The following INPP5F variants were observed in gnomAD, a reference collection of about 807,000 sequenced individuals.
INPP5F encodes phosphatidylinositide 4-phosphatase SAC2.
In INPP5F, 97 loss-of-function variants were observed where a neutral mutation model predicts 137.2. The observed-to-expected ratio is 0.71, with a 90% CI of 0.60 to 0.84. The LOEUF (loss-of-function observed/expected upper bound fraction) is 0.84, where lower values mean the gene tolerates loss of function less well. INPP5F is among the 40% of genes least tolerant of loss of function. The probability of loss-of-function intolerance (pLI) is 0.00; values close to 1 mark genes in which losing one functional copy is unlikely to be tolerated. For synonymous variants in INPP5F, 504 were observed against 476.9 expected (o/e 1.06, Z -0.74); for missense variants, 1,271 against 1,371.9 (o/e 0.93, Z 1.16).
intron 2 of INPP5F, among the ~76,000 whole-genome samples, chr10:119,774,028 G>A (rs1849441364): frequency 6.6e-6 from 1 of 152,108 alleles, no homozygotes; most frequent in Admixed American, 6.6e-5. Context: ...ACTTTGGGAG[G>A]CCAAGGTGGG....
chr10:119,757,382 T>A (rs574386587), intron 2 of INPP5F, among the ~76,000 whole-genome samples: 1,700 of 151,638 alleles, frequency 0.011, 20 homozygotes, highest in Non-Finnish European at 0.016. Context: ...TTTATTAATA[T>A]GAGGAACAGA....
chr10:119,785,565 A>AGAGAGAGAGAGAGAGG (rs1849872236), intron 3 of INPP5F, among the ~76,000 whole-genome samples: 2 of 151,296 alleles, frequency 1.3e-5, no homozygotes, highest in South Asian at 2.1e-4. Context: ...AGAGAGAGAG[A>AGAGAGAGAGAGAGAGG]GAGAGAGAGA....
At chr10:119,742,097 A>G (rs1044202575) in intron 1 of INPP5F, among the ~76,000 whole-genome samples, 2 of 152,150 alleles carry the variant, frequency 1.3e-5, no homozygotes, top group African/African-American at 4.8e-5. Context: ...TGCTGGGTTT[A>G]CAGGCATAGA....
intron 12 of INPP5F, among the ~76,000 whole-genome samples, chr10:119,807,133 C>T (rs891565520): frequency 6.6e-6 from 1 of 152,064 alleles, no homozygotes; most frequent in Admixed American, 6.6e-5. Flanking sequence ...ACTAGCTGGG[C>T]GTGGTGGCCG....
Position 119,748,226 on chromosome 10 carries a change from G to T in INPP5F, c.98-2850G>T, listed in dbSNP as rs1202876886. ...AGGCACTGGCTTTGTGCAAGGCTGT[G>T]GCTGGACCAGGTGTACCACAAGCAG... On this transcript the variant is annotated intron_variant, in intron 1 of 19. Transcript: ENST00000650623. This position sits in a 1 kb window ranked among gnomAD's most constrained non-coding sequence, Gnocchi z 4.7. 6.6e-6 allele frequency among the ~76,000 whole-genome samples: 1 copy of T among 152,202 alleles called. No homozygotes were observed. Among genetic ancestry groups the T allele is most frequent in the Non-Finnish European group, 1.5e-5 (1 of 68,028 alleles).
intron 12 of INPP5F, among the ~76,000 whole-genome samples, chr10:119,807,615 G>A (rs1050238938): frequency 2.0e-5 from 3 of 152,166 alleles, no homozygotes; most frequent in African/African-American, 7.2e-5. Flanking sequence ...TATTAGTATT[G>A]TTTCTGTGTG....
rs192353046 is a variant in INPP5F at position 119,806,327 on chromosome 10, A to G, written c.1320-33A>G. ...TCTTTTGAAAACCCTATTATTTTAT[A>G]TTGTAAAATAATTCTGTATTATTTT... is the stretch of plus-strand genomic sequence containing the variant. On this transcript the variant is annotated intron_variant, in intron 11 of 19. Transcript: ENST00000650623. The G allele has an allele frequency of 4.2e-4, 590 of 1,416,778 alleles. 6 individuals carry two copies. In the East Asian group the frequency reaches 0.014, roughly 35 times the overall value. The allele number at this position is 1,416,778 out of a possible 1,614,324, so 87.8% of individuals were successfully genotyped here. A position where few individuals can be genotyped will look rare whatever the true frequency, so the allele number is the denominator to read the frequency against.
rs1063224 is a variant in INPP5F at position 119,828,526 on chromosome 10, A to C, written c.*746A>C. 0.54 allele frequency: 81,735 copies of C among 151,930 alleles called. 22,411 individuals carry two copies. The highest frequency in any genetic ancestry group is 0.63 in the East Asian group (3,225 of 5,154). 9.4% of individuals were successfully genotyped at this position (151,930 alleles called of 1,614,324 possible). A position where few individuals can be genotyped will look rare whatever the true frequency, so the allele number is the denominator to read the frequency against. On this transcript the variant is annotated 3_prime_UTR_variant, in exon 20 of 20. Transcript: ENST00000650623. ...CCATATTGGCTACTGGAAATTCTAG[A>C]AGTCAGTCAGGTTTTAATTTATTCC...
intron 16 of INPP5F, among the ~76,000 whole-genome samples, chr10:119,821,249 CT>C (rs964384608): frequency 8.5e-5 from 13 of 152,196 alleles, no homozygotes; most frequent in African/African-American, 3.1e-4. Context: ...GTTTGCATTA[CT>C]ATAGTGAAGT....
chr10:119,822,699 G>A lies in INPP5F; in HGVS notation c.2032+195G>A, dbSNP rs375350696. 3.0e-4 allele frequency among the ~76,000 whole-genome samples: 46 copies of A among 152,254 alleles called. No individual in the cohort carries two copies. The South Asian group carries it at 9.3e-3, about 31-fold the overall frequency. On this transcript the variant is annotated intron_variant, in intron 17 of 19. Coordinates refer to ENST00000650623, the MANE Select transcript of INPP5F (RefSeq NM_014937.4). ...TATGAAATCCTAAGGCAGAAATGTC[G>A]GCTCTTCTTACAGTGGAATTTGGAG...
intron 15 of INPP5F, among the ~76,000 whole-genome samples, chr10:119,817,532 C>T (rs1013720016): frequency 2.6e-5 from 4 of 152,174 alleles, no homozygotes; most frequent in African/African-American, 7.2e-5. Context: ...ATGCAGTCAT[C>T]CTACTTAGTG....
At position 119,827,789 on chromosome 10, in the gene INPP5F, C is replaced by G. The variant is rs768004172; in HGVS notation, c.*9C>G. ...GGATAATTCAGATTTAGCTTTTAGC[C>G]ATAAGAATCCTTCCATGGCTTTTAT... On this transcript the variant is annotated 3_prime_UTR_variant, in exon 20 of 20. Transcript: ENST00000650623. The G allele has an allele frequency of 9.0e-6, 14 of 1,561,208 alleles. No homozygotes were observed. The highest frequency in any genetic ancestry group is 1.1e-5 in the Non-Finnish European group (13 of 1,147,240).
At chr10:119,743,149 C>T (rs1329214303) in intron 1 of INPP5F, among the ~76,000 whole-genome samples, 1 of 152,228 alleles carries the variant, frequency 6.6e-6, no homozygotes, top group African/African-American at 2.4e-5. Flanking sequence ...ACTTTTGCCA[C>T]CTTAAGTAGT....
intron 3 of INPP5F, among the ~76,000 whole-genome samples, chr10:119,785,286 G>GTTTTTTTTGTTTTTTTTTT (rs1849846687): frequency 4.7e-5 from 5 of 106,228 alleles, no homozygotes; most frequent in African/African-American, 1.5e-4. Flanking sequence ...CTGCCAGACT[G>GTTTTTTTTGTTTTTTTTTT]TTTTTTTTTT....
In INPP5F at chr10:119,820,888, G is replaced by C. The variant is rs750668043; in HGVS notation, c.1929G>C (p.Leu643=). 1.4e-5 allele frequency: 22 copies of C among 1,611,614 alleles called. 1 individual carries two copies. The Admixed American group carries it at 3.7e-4, about 27-fold the overall frequency. Residue 643 remains leucine, a synonymous_variant, in exon 16 of 20, where the codon CTG becomes CTC. Transcript: ENST00000650623. ...ACAGAGACGTGGATGTGCTGTTACT[G>C]CTTTCTAACTCTGCCTACTACGTGG... ...ATHRDVDVLL[L]LSNSAYYVAY...
Position 119,726,079 on chromosome 10 carries a change from G to GCCGCTGCCGCCT in INPP5F, c.-175_-174insCCTCCGCTGCCG, listed in dbSNP as rs1342652806. ...GGCCTCTACGGCCGCCGCTGCCGCC[G>GCCGCTGCCGCCT]CCGCTGCCGGGGCGCGTTCTCCTCC... On this transcript the variant is annotated 5_prime_UTR_variant, in exon 1 of 20. Transcript: ENST00000650623. 1 of 371,794 alleles carries GCCGCTGCCGCCT rather than the reference G, an allele frequency of 2.7e-6. No homozygotes were observed. Among genetic ancestry groups the GCCGCTGCCGCCT allele is most frequent in the Non-Finnish European group, 4.8e-6 (1 of 210,460 alleles). The allele number at this position is 371,794 out of a possible 1,614,324, so 23.0% of individuals were successfully genotyped here.
At position 119,748,795 on chromosome 10, in the gene INPP5F, C is replaced by T. The variant is rs117457319; in HGVS notation, c.98-2281C>T. The stretch of plus-strand genomic sequence containing the variant: ...TTCTTACTCCAGCTCACGGACTCCA[C>T]CCGGAACCTGCAGCTCAGACCCCAG... On this transcript the variant is annotated intron_variant, in intron 1 of 19. Transcript: ENST00000650623. The surrounding 1 kb of genome is among the most constrained non-coding windows in gnomAD (Gnocchi z 4.7). Among the ~76,000 whole-genome samples, 3,451 of 152,282 alleles carry T rather than the reference C, an allele frequency of 0.023. 70 individuals carry two copies. The highest frequency in any genetic ancestry group is 0.034 in the Non-Finnish European group (2,299 of 68,018).
chr10:119,742,023 G>T (rs1669719163), intron 1 of INPP5F, among the ~76,000 whole-genome samples: 1 of 152,042 alleles, frequency 6.6e-6, no homozygotes, highest in African/African-American at 2.4e-5. Flanking sequence ...GTTTCCTCAT[G>T]TTGGCCAGAC....
Position 119,760,743 on chromosome 10 carries a change from C to T in INPP5F, c.178+9587C>T, listed in dbSNP as rs891508954. Among the ~76,000 whole-genome samples, 13 of 152,294 alleles carry T rather than the reference C, an allele frequency of 8.5e-5. 1 individual carries two copies. The East Asian group carries it at 2.5e-3, about 29-fold the overall frequency. ...CTTGGATAGCAGGTCTGTTACAGCC[C>T]GTGGGCTTGATTCCCTTTGTGTACG... On this transcript the variant is annotated intron_variant, in intron 2 of 19. Transcript: ENST00000650623.
Sources: gnomAD v4.1 joint callset for allele counts (sites outside exome capture counted in the v4.1 genomes callset) on GRCh38, gnomAD v4.1.1 for gene constraint, Gnocchi (gnomAD v3.1) non-coding constraint, MANE v1.5 for transcripts, NCBI Gene and HGNC (gene_info 2026-07-23, HGNC 2026-07-21) for gene names.